Variants in ARHGAP8 observed in about 807,000 individuals in gnomAD.
ARHGAP8 encodes the protein rho GTPase-activating protein 8.
A neutral mutation model predicts 46.1 loss-of-function variants in ARHGAP8; 62 were observed. The observed-to-expected ratio is 1.34, with a 90% CI of 1.10 to 1.66. The LOEUF (loss-of-function observed/expected upper bound fraction) is 1.66, where lower values mean the gene tolerates loss of function less well. ARHGAP8 is among the 40% of genes most tolerant of loss of function. The pLI is 0.00. For synonymous variants in ARHGAP8, 375 were observed against 243.1 expected (o/e 1.54, Z -5.05); for missense variants, 923 against 568.4 (o/e 1.62, Z -6.34).
chr22:44,860,517 A>C (rs910616916), intron 11 of ARHGAP8, among the ~76,000 whole-genome samples: 4 of 142,908 alleles, frequency 2.8e-5, no homozygotes, highest in East Asian at 2.1e-4. Flanking sequence ...GGACCCACCC[A>C]GATGACGCGG....
At chr22:44,760,978 G>T (rs919895231) in intron 1 of ARHGAP8, among the ~76,000 whole-genome samples, 1 of 152,198 alleles carries the variant, frequency 6.6e-6, no homozygotes, top group Non-Finnish European at 1.5e-5. Context: ...GGCTTTGGGG[G>T]ATGGAGCTTC....
At chr22:44,849,113 C>T (rs1048743429) in intron 10 of ARHGAP8, 53 bp downstream of exon 10, 2 of 1,607,554 alleles carry the variant, frequency 1.2e-6, no homozygotes, top group Non-Finnish European at 1.7e-6. Context: ...AGATGCTGTC[C>T]CCCAGCTACT....
At chr22:44,763,979 T>A (rs1294248700) in intron 1 of ARHGAP8, among the ~76,000 whole-genome samples, 1 of 151,570 alleles carries the variant, frequency 6.6e-6, no homozygotes, top group Non-Finnish European at 1.5e-5. Flanking sequence ...CCTGGCTAAT[T>A]TTTTTTGTAT....
chr22:44,772,223 CTTTTTTTTTTTTTTTTTT>C (rs71188484), intron 1 of ARHGAP8, among the ~76,000 whole-genome samples: 1 of 16,402 alleles, frequency 6.1e-5, no homozygotes, highest in South Asian at 7.5e-3. Flanking sequence ...ACTGTTTTGC[CTTTTTTTTTTTTTTTTTT>C]TTTTTTTTTT....
At chr22:44,860,539 C>T (rs551118355) in intron 11 of ARHGAP8, among the ~76,000 whole-genome samples, 1 of 45,924 alleles carries the variant, frequency 2.2e-5, no homozygotes, top group East Asian at 6.9e-4. Flanking sequence ...ATGATCTCAT[C>T]TTGAGATCCT....
chr22:44,851,976 A>G (rs1368654720), intron 10 of ARHGAP8, among the ~76,000 whole-genome samples: 1 of 152,004 alleles, frequency 6.6e-6, no homozygotes, highest in African/African-American at 2.4e-5. Context: ...GGATCACCTG[A>G]GGTCAGGAGT....
At chr22:44,788,596 G>A (rs917179891) in intron 2 of ARHGAP8, among the ~76,000 whole-genome samples, 47 of 151,894 alleles carry the variant, frequency 3.1e-4, no homozygotes, top group African/African-American at 1.1e-3. Context: ...GTTTTGTCAC[G>A]TTGGCCAGGC....
chr22:44,777,628 T>C (rs1309664423), intron 1 of ARHGAP8, among the ~76,000 whole-genome samples: 2 of 150,734 alleles, frequency 1.3e-5, no homozygotes, highest in Non-Finnish European at 2.9e-5. Context: ...CTTTTTTTTT[T>C]CTCCCTTCTG....
At chr22:44,820,872 ACTGAGCTGTGGG>A (rs1433858514) in intron 5 of ARHGAP8, among the ~76,000 whole-genome samples, 3 of 152,130 alleles carry the variant, frequency 2.0e-5, no homozygotes, top group Admixed American at 1.3e-4. Flanking sequence ...CTGGCGCTGG[ACTGAGCTGTGGG>A]CTGAGCTTTG....
At chr22:44,846,581 G>C (rs2069962315) in intron 8 of ARHGAP8, among the ~76,000 whole-genome samples, 1 of 152,174 alleles carries the variant, frequency 6.6e-6, no homozygotes, top group Non-Finnish European at 1.5e-5. Flanking sequence ...GGGACCCCAA[G>C]AGGCCTGCCT....
intron 9 of ARHGAP8, among the ~76,000 whole-genome samples, chr22:44,848,487 C>T (rs1174723149): frequency 6.6e-6 from 1 of 152,266 alleles, no homozygotes; most frequent in African/African-American, 2.4e-5. Context: ...AATGAAGGCG[C>T]TGTCTTGCTG....
At chr22:44,761,723 T>G (rs1325520784) in intron 1 of ARHGAP8, among the ~76,000 whole-genome samples, 1 of 152,208 alleles carries the variant, frequency 6.6e-6, no homozygotes, top group Admixed American at 6.5e-5. Flanking sequence ...AGTCAATTTT[T>G]ACGCTGCTGA....
At chr22:44,804,129 AC>A (rs1410486736) in intron 3 of ARHGAP8, among the ~76,000 whole-genome samples, 2 of 151,706 alleles carry the variant, frequency 1.3e-5, no homozygotes, top group African/African-American at 4.8e-5. Context: ...CGCACCCTGC[AC>A]CCTCTGCATT....
At chr22:44,845,226 C>G (rs773175837) in intron 7 of ARHGAP8, 43 bp from the exon 8 acceptor site, 1 of 1,612,264 alleles carries the variant, frequency 6.2e-7, no homozygotes, top group South Asian at 1.1e-5. Context: ...GATCACCCAT[C>G]AAGCTCAGGT....
chr22:44,825,111 G>T (rs546080693), intron 6 of ARHGAP8, among the ~76,000 whole-genome samples: 1 of 151,700 alleles, frequency 6.6e-6, no homozygotes, highest in South Asian at 2.1e-4. Flanking sequence ...CAAAAGGGAC[G>T]AGGTTCCTTT....
intron 10 of ARHGAP8, among the ~76,000 whole-genome samples, chr22:44,852,376 C>T (rs2070119029): frequency 6.6e-6 from 1 of 151,858 alleles, no homozygotes. Flanking sequence ...GGGAAGACCC[C>T]CTCCCATTAG....
chr22:44,857,045 ACT>A (rs1409519006), intron 10 of ARHGAP8, among the ~76,000 whole-genome samples: 1 of 140,560 alleles, frequency 7.1e-6, no homozygotes, highest in Non-Finnish European at 1.5e-5. Context: ...GGTTCAAATG[ACT>A]CTGTTGCCTC....
intron 8 of ARHGAP8, among the ~76,000 whole-genome samples, chr22:44,847,272 C>G (rs1165151120): frequency 6.6e-6 from 1 of 152,214 alleles, no homozygotes; most frequent in Non-Finnish European, 1.5e-5. Flanking sequence ...GAGCCAATTA[C>G]AAGCACTGAA....
chr22:44,856,321 G>C (rs998553966), intron 10 of ARHGAP8, among the ~76,000 whole-genome samples: 4 of 128,088 alleles, frequency 3.1e-5, no homozygotes, highest in African/African-American at 6.1e-5. Flanking sequence ...GCCCAGGCCA[G>C]AGTGCAGTGG....
Sources: allele counts gnomAD v4.1 joint callset (sites outside exome capture counted in the v4.1 genomes callset), GRCh38; gene constraint gnomAD v4.1.1; transcripts MANE v1.5; gene names NCBI Gene and HGNC (gene_info 2026-07-23, HGNC 2026-07-21).